The following SGSM2 variants were observed in gnomAD, a reference collection of about 807,000 sequenced individuals.
SGSM2 encodes RUN and TBC1 domain containing 1.
A neutral mutation model predicts 126.6 loss-of-function variants in SGSM2; 89 were observed. The observed-to-expected ratio is 0.70, with a 90% CI of 0.59 to 0.84. The LOEUF (loss-of-function observed/expected upper bound fraction) is 0.84, where lower values mean the gene tolerates loss of function less well. SGSM2 is among the 40% of genes least tolerant of loss of function. The pLI is 0.00. For missense variants in SGSM2, 1,404 were observed against 1,416.6 expected, an observed-to-expected ratio of 0.99 and a Z score of 0.14; for synonymous variants, 614 against 574.3, an observed-to-expected ratio of 1.07 and a Z score of -0.99.
Position 2,371,475 on chromosome 17 carries a change from G to A in SGSM2, c.1577+60G>A, listed in dbSNP as rs574410779. 28 of 1,524,270 alleles carry A rather than the reference G, an allele frequency of 1.8e-5. No individual in the cohort carries two copies. The East Asian group carries it at 4.9e-4, about 26-fold the overall frequency. The allele number at this position is 1,524,270 out of a possible 1,614,324, so 94.4% of individuals were successfully genotyped here. A position where few individuals can be genotyped will look rare whatever the true frequency, so the allele number is the denominator to read the frequency against. ...AGCGTGTCCAGCCACGTGTGTGTCC[G>A]TCTGTCCTTAAAGGCCGTGTCACCT... is the stretch of plus-strand genomic sequence containing the variant. On this transcript the variant is annotated intron_variant, in intron 13 of 23. Coordinates refer to ENST00000268989, the MANE Select transcript of SGSM2 (RefSeq NM_014853.3).
At position 2,363,109 on chromosome 17, in the gene SGSM2, C is replaced by A; in HGVS notation, c.647C>A (p.Ser216Tyr). 1 of 1,610,130 alleles carries A rather than the reference C, an allele frequency of 6.2e-7. No individual in the cohort carries two copies. The highest frequency in any genetic ancestry group is 8.5e-7 in the Non-Finnish European group (1 of 1,178,776). The change falls in exon 6 of 24, where the codon TCC becomes TAC. Residue 216 changes from serine (S) to tyrosine (Y), a missense_variant. Coordinates refer to ENST00000268989, the MANE Select transcript of SGSM2 (RefSeq NM_014853.3). This position sits in a 1 kb window ranked among gnomAD's most constrained non-coding sequence, Gnocchi z 4.2. ...CGGGGTCCACCTACTCGCCAGGACT[C>A]CCCTGCAAAGCGCCCAGCCCTGGGG... ...RIRGPPTRQDSPAKRPALGIR... is the reference protein window; with the variant it reads ...RIRGPPTRQDYPAKRPALGIR...
chr17:2,377,756 G>T, intron 21 of SGSM2, 101 bp from the exon 22 acceptor site: 1 of 743,612 alleles, frequency 1.3e-6, no homozygotes, highest in Non-Finnish European at 2.4e-6. Context: ...CTGCCAGGTT[G>T]GGGATCGCCT....
chr17:2,373,658 A>G (rs1167623907), intron 17 of SGSM2, 145 bp downstream of exon 17: 6 of 684,452 alleles, frequency 8.8e-6, no homozygotes, highest in Middle Eastern at 3.4e-4. Flanking sequence ...ATTTTCTCCA[A>G]CTGGAAATGG....
In SGSM2 at chr17:2,367,134, C is replaced by G; in HGVS notation, c.1289-137C>G. The G allele has an allele frequency of 2.0e-6, 2 of 983,626 alleles. No individual in the cohort carries two copies. The highest frequency in any genetic ancestry group is 2.9e-6 in the Non-Finnish European group (2 of 690,038). The allele number at this position is 983,626 out of a possible 1,614,324, so 60.9% of individuals were successfully genotyped here. A position where few individuals can be genotyped will look rare whatever the true frequency, so the allele number is the denominator to read the frequency against. On this transcript the variant is annotated intron_variant, in intron 11 of 23. Coordinates refer to ENST00000268989, the MANE Select transcript of SGSM2 (RefSeq NM_014853.3). This position sits in a 1 kb window ranked among gnomAD's most constrained non-coding sequence, Gnocchi z 4.0. ...AAAATCATCCAAAGAGCTTTCTGGTCCCCTCCCTTCCCCTCTTCTGTGCCC... is the reference window on the plus strand; with the variant it reads ...AAAATCATCCAAAGAGCTTTCTGGTGCCCTCCCTTCCCCTCTTCTGTGCCC...
Position 2,376,265 on chromosome 17 carries a change from C to T in SGSM2, c.2609+4C>T. 6.2e-7 allele frequency: 1 copy of T among 1,613,498 alleles called. No individual in the cohort carries two copies. Among genetic ancestry groups the T allele is most frequent in the South Asian group, 1.1e-5 (1 of 91,070 alleles). The stretch of plus-strand genomic sequence containing the variant: ...GGCTCAGAGACGTCATGTGCAGGTG[C>T]CTTGTGGGGCGGGGCTCAGGGTGGG... On this transcript the variant is annotated splice_donor_region_variant and intron_variant, in intron 19 of 23. Coordinates refer to ENST00000268989, the MANE Select transcript of SGSM2 (RefSeq NM_014853.3).
At chr17:2,353,430 AATATATTTAACTGGTTCAAAAAT>A (rs561273773) in intron 2 of SGSM2, among the ~76,000 whole-genome samples, 1 of 152,228 alleles carries the variant, frequency 6.6e-6, no homozygotes, top group South Asian at 2.1e-4. Flanking sequence ...TTGCATTCAT[AATATATTTAACTGGTTCAAAAAT>A]CAAAACCATA....
rs1399309430 is a variant in SGSM2, at chr17:2,367,293, A to G, written c.1311A>G (p.Leu437=). 6 of 1,613,554 alleles carry G rather than the reference A, an allele frequency of 3.7e-6. No individual in the cohort carries two copies. The highest frequency in any genetic ancestry group is 1.1e-5 in the South Asian group (1 of 90,980). Residue 437 remains leucine (L), a synonymous_variant, in exon 12 of 24, where the codon CTA becomes CTG. Transcript: ENST00000268989. The surrounding 1 kb of genome is among the most constrained non-coding windows in gnomAD (Gnocchi z 4.0). ...CAGTCACTATTAACTACCACCACCT[A>G]GCGGCCAGCCGCGCGGCCTCGGTGG... ...HEHITINYHH[L]AASRAASVDD...
At chr17:2,373,245 G>T in intron 16 of SGSM2, 86 bp from the exon 17 acceptor site, 1 of 1,550,170 alleles carries the variant, frequency 6.5e-7, no homozygotes. Context: ...TGAGACTCAG[G>T]ACCCAAGGTC....
Position 2,339,584 on chromosome 17 carries a change from G to T in SGSM2, c.57+1839G>T, listed in dbSNP as rs539063740. ...AAAAAATTAGCTGGGCGTGGTGGCG[G>T]GCGAATGTAGTCCCAGCTACTTGGG... On this transcript the variant is annotated intron_variant, in intron 1 of 23. Coordinates refer to ENST00000268989, the MANE Select transcript of SGSM2 (RefSeq NM_014853.3). 2.0e-4 allele frequency among the ~76,000 whole-genome samples: 31 copies of T among 151,728 alleles called. No individual in the cohort carries two copies. In the South Asian group the frequency reaches 5.8e-3, roughly 29 times the overall value.
intron 2 of SGSM2, among the ~76,000 whole-genome samples, chr17:2,352,840 C>T (rs61361532): frequency 0.37 from 27,354 of 74,390 alleles, 6,245 homozygotes; most frequent in East Asian, 0.58. Context: ...TGCAGTGGCG[C>T]GATCTCGGCT....
intron 1 of SGSM2, among the ~76,000 whole-genome samples, chr17:2,340,055 T>C (rs2064278084): frequency 6.6e-6 from 1 of 151,986 alleles, no homozygotes; most frequent in African/African-American, 2.4e-5. Flanking sequence ...ACACTTGAGG[T>C]GGATATGCTG....
At position 2,361,194 on chromosome 17, in the gene SGSM2, A is replaced by C. The variant is rs1200732606; in HGVS notation, c.134-443A>C. On this transcript the variant is annotated intron_variant, in intron 2 of 23. Coordinates refer to ENST00000268989, the MANE Select transcript of SGSM2 (RefSeq NM_014853.3). Reference sequence around the variant, plus strand: ...GGCCACTGTCGGGTCCAAGCTCTGCAGTGACTTCATCAATATTTTAGCTCC... The same window carrying C: ...GGCCACTGTCGGGTCCAAGCTCTGCCGTGACTTCATCAATATTTTAGCTCC... 3.9e-5 allele frequency among the ~76,000 whole-genome samples: 6 copies of C among 152,218 alleles called. No homozygotes were observed. In the South Asian group the frequency reaches 6.2e-4, roughly 16 times the overall value.
chr17:2,377,606 C>A, intron 21 of SGSM2: 1 of 345,130 alleles, frequency 2.9e-6, no homozygotes, highest in Non-Finnish European at 5.3e-6. Flanking sequence ...CATCAGACAC[C>A]CAGAAAATCC....
Position 2,343,532 on chromosome 17 carries a change from C to G in SGSM2, c.58-13C>G. 1.2e-6 allele frequency: 2 copies of G among 1,613,668 alleles called. No individual in the cohort carries two copies. Reference sequence around the variant, plus strand: ...AAATAATAAAAGCAGTGATGCTGTCCATGTGTCCGCAGGTGAAGCAAATCA... The same window carrying G: ...AAATAATAAAAGCAGTGATGCTGTCGATGTGTCCGCAGGTGAAGCAAATCA... On this transcript the variant is annotated splice_polypyrimidine_tract_variant and intron_variant, in intron 1 of 23. Transcript: ENST00000268989.
rs545424681 is a variant in SGSM2, at chr17:2,376,821, G to A, written c.2692+6G>A. 2 of 1,614,074 alleles carry A rather than the reference G, an allele frequency of 1.2e-6. No individual in the cohort carries two copies. Among genetic ancestry groups the A allele is most frequent in the South Asian group, 2.2e-5 (2 of 91,090 alleles). ...CCTGGTCACCCTCGACAATGGTGAG[G>A]GATGGCGGGACATGGGACTGGGCTG... On this transcript the variant is annotated splice_donor_region_variant and intron_variant, in intron 20 of 23. Transcript: ENST00000268989.
At chr17:2,340,799 T>A (rs182688702) in intron 1 of SGSM2, among the ~76,000 whole-genome samples, 8 of 152,040 alleles carry the variant, frequency 5.3e-5, no homozygotes, top group African/African-American at 9.7e-5. Context: ...TTAGCCAGGA[T>A]GGTCTCGATC....
chr17:2,352,583 C>T (rs2064901898), intron 2 of SGSM2, among the ~76,000 whole-genome samples: 1 of 152,082 alleles, frequency 6.6e-6, no homozygotes, highest in South Asian at 2.1e-4. Flanking sequence ...TAGGCTAGTC[C>T]TCTGAAGGCC....
Position 2,375,956 on chromosome 17 carries a change from G to A in SGSM2, c.2484+81G>A, listed in dbSNP as rs764068539. ...CCAGAGCTGGGGAAGCGCTGGTGGG[G>A]TGGAAGGCGGGGCGCCCTGACTGCC... On this transcript the variant is annotated intron_variant, in intron 18 of 23. Transcript: ENST00000268989. 5.1e-5 allele frequency: 77 copies of A among 1,512,676 alleles called. No homozygotes were observed. In the Admixed American group the frequency reaches 9.9e-4, roughly 19 times the overall value. The allele number at this position is 1,512,676 out of a possible 1,614,324, so 93.7% of individuals were successfully genotyped here. A position where few individuals can be genotyped will look rare whatever the true frequency, so the allele number is the denominator to read the frequency against.
intron 2 of SGSM2, among the ~76,000 whole-genome samples, chr17:2,346,658 C>T (rs952383569): frequency 3.9e-5 from 6 of 151,942 alleles, no homozygotes; most frequent in African/African-American, 7.3e-5. Context: ...TGGAAGTTTT[C>T]GCTGGCAAAC....
Sources: gnomAD v4.1 joint callset for allele counts (sites outside exome capture counted in the v4.1 genomes callset) on GRCh38, gnomAD v4.1.1 for gene constraint, Gnocchi (gnomAD v3.1) non-coding constraint, MANE v1.5 for transcripts, NCBI Gene and HGNC (gene_info 2026-07-23, HGNC 2026-07-21) for gene names.